The following PHF12 variants were observed in gnomAD, a reference collection of about 807,000 sequenced individuals.
PHF12 encodes PHD factor 1.
PHF12 carries 6 observed loss-of-function variants against 99.8 expected under a neutral mutation model. The ratio of observed to expected loss-of-function variants is 0.06; its 90% CI spans 0.03 to 0.12. The LOEUF is 0.12. Among genes scored for constraint, PHF12 ranks in the 10% least tolerant of loss-of-function variants. The pLI, the probability that PHF12 is intolerant of heterozygous loss-of-function variation, is 1.00. For synonymous variants in PHF12, 480 were observed against 514.9 expected (o/e 0.93, Z 0.92); for missense variants, 954 against 1,300.1 (o/e 0.73, Z 4.09).
chr17:28,950,003 G>T lies in PHF12; in HGVS notation c.248+62C>A, dbSNP rs536365756. 2.0e-6 allele frequency: 3 copies of T among 1,465,064 alleles called. No individual in the cohort carries two copies. Among genetic ancestry groups the T allele is most frequent in the Admixed American group, 4.6e-5 (2 of 43,662 alleles). The allele number at this position is 1,465,064 out of a possible 1,614,324, so 90.8% of individuals were successfully genotyped here. A position where few individuals can be genotyped will look rare whatever the true frequency, so the allele number is the denominator to read the frequency against. Reference sequence around the variant, plus strand: ...TTATTTCGGCAGTCAGGGGCAGGCCGGGTGAAGGAATGCGCAGAGAAGGGT... The same window carrying T: ...TTATTTCGGCAGTCAGGGGCAGGCCTGGTGAAGGAATGCGCAGAGAAGGGT... On this transcript the variant is annotated intron_variant, in intron 2 of 14. Coordinates refer to ENST00000332830, the MANE Select transcript of PHF12 (RefSeq NM_001033561.2). This position sits in a 1 kb window ranked among gnomAD's most constrained non-coding sequence, Gnocchi z 5.7.
intron 9 of PHF12, among the ~76,000 whole-genome samples, chr17:28,911,872 T>C (rs1598119432): frequency 6.6e-6 from 1 of 152,198 alleles, no homozygotes; most frequent in Non-Finnish European, 1.5e-5. Flanking sequence ...AGGTCCACAG[T>C]AGGCCAAGTA....
chr17:28,942,946 T>C (rs1428486523), intron 2 of PHF12, among the ~76,000 whole-genome samples: 3 of 151,994 alleles, frequency 2.0e-5, no homozygotes, highest in Non-Finnish European at 2.9e-5. Flanking sequence ...TTACAACATA[T>C]AAAGAACTCT....
rs764232803 is a variant in PHF12 at position 28,946,220 on chromosome 17, T to C, written c.248+3845A>G. Among the ~76,000 whole-genome samples the C allele has an allele frequency of 5.3e-5, 8 of 152,202 alleles. No homozygotes were observed. The East Asian group carries it at 9.6e-4, about 18-fold the overall frequency. ...TAACCCCTACTATCACTCTGAATAATTGATAAACCAGTTAAACTTGGATAA... is the reference window on the plus strand; with the variant it reads ...TAACCCCTACTATCACTCTGAATAACTGATAAACCAGTTAAACTTGGATAA... On this transcript the variant is annotated intron_variant, in intron 2 of 14. Transcript: ENST00000332830.
chr17:28,947,140 C>T (rs1356556509), intron 2 of PHF12, among the ~76,000 whole-genome samples: 1 of 151,816 alleles, frequency 6.6e-6, no homozygotes, highest in African/African-American at 2.4e-5. Context: ...CGTGCCACCA[C>T]ACCCGGCTAA....
chr17:28,919,124 T>C lies in PHF12; in HGVS notation c.969+19A>G, dbSNP rs779844492. On this transcript the variant is annotated intron_variant, in intron 6 of 14. Coordinates refer to ENST00000332830, the MANE Select transcript of PHF12 (RefSeq NM_001033561.2). ...CCAGCTATGCCCATTGAGGACTGAA[T>C]GGACACTGCTGTGCTTACCACCACA... 9 of 1,607,676 alleles carry C rather than the reference T, an allele frequency of 5.6e-6. No homozygotes were observed. In the South Asian group the frequency reaches 9.9e-5, roughly 18 times the overall value.
Position 28,909,890 on chromosome 17 carries a change from C to T in PHF12, c.2359+336G>A, listed in dbSNP as rs2039928712. Reference sequence around the variant, plus strand: ...ACAGGTGTGAGCCACTGCACTCAGTCGGGAAGCCCTTCTAATTCAAATATT... The same window carrying T: ...ACAGGTGTGAGCCACTGCACTCAGTTGGGAAGCCCTTCTAATTCAAATATT... On this transcript the variant is annotated intron_variant, in intron 11 of 14. Transcript: ENST00000332830. The T allele has an allele frequency of 1.3e-5, 8 of 602,168 alleles. 1 individual carries two copies. The highest frequency in any genetic ancestry group is 4.0e-5 in the South Asian group (2 of 49,428). The allele number at this position is 602,168 out of a possible 1,614,324, so 37.3% of individuals were successfully genotyped here.
chr17:28,921,958 T>A, intron 4 of PHF12, 150 bp from the exon 5 acceptor site: 1 of 1,099,532 alleles, frequency 9.1e-7, no homozygotes, highest in Non-Finnish European at 1.3e-6. Context: ...GGGTTGATTT[T>A]AAGTTAGAAA....
chr17:28,926,140 T>C (rs2040268386), intron 3 of PHF12: 1 of 152,546 alleles, frequency 6.6e-6, no homozygotes, highest in African/African-American at 2.4e-5. Context: ...AAATAATGTC[T>C]GCTTGTTTAC....
rs189177724 is a variant in PHF12 at position 28,910,022 on chromosome 17, T to C, written c.2359+204A>G. On this transcript the variant is annotated intron_variant, in intron 11 of 14. Coordinates refer to ENST00000332830, the MANE Select transcript of PHF12 (RefSeq NM_001033561.2). ...ATATGAAAGAAAGTTACAGCAGACT[T>C]CCCCAAGTCTGATCAGAAAGCTGTG... 3 of 759,254 alleles carry C rather than the reference T, an allele frequency of 4.0e-6. No homozygotes were observed. In the East Asian group the frequency reaches 8.0e-5, roughly 20 times the overall value. The allele number at this position is 759,254 out of a possible 1,614,324, so 47.0% of individuals were successfully genotyped here.
In PHF12 at chr17:28,907,719, G is replaced by A. The variant is rs1418498394; in HGVS notation, c.2459-47C>T. On this transcript the variant is annotated intron_variant, in intron 12 of 14. Transcript: ENST00000332830. ...GGAAAAGGAAGGCAGAGAACAGATTGTAAGGTGCATGTGTCGGGGAGGTAA... is the reference window on the plus strand; with the variant it reads ...GGAAAAGGAAGGCAGAGAACAGATTATAAGGTGCATGTGTCGGGGAGGTAA... 3.2e-6 allele frequency: 5 copies of A among 1,570,686 alleles called. No homozygotes were observed. The African/African-American group carries it at 4.1e-5, about 13-fold the overall frequency.
At chr17:28,915,470 A>T (rs1394379785) in intron 7 of PHF12, among the ~76,000 whole-genome samples, 1 of 152,150 alleles carries the variant, frequency 6.6e-6, no homozygotes, top group Non-Finnish European at 1.5e-5. Context: ...GCAGGCAGAT[A>T]TGAGTCTGGA....
intron 5 of PHF12, 80 bp downstream of exon 5, chr17:28,921,608 A>G (rs2040167056): frequency 6.6e-7 from 1 of 1,517,278 alleles, no homozygotes. Context: ...TTTAACATAC[A>G]TGGTCTGGAA....
In PHF12 at chr17:28,951,014, G is replaced by A. The variant is rs892324515; in HGVS notation, c.-54C>T. ...TGCTCCGGCCCCCCCAACCCCGGGGGGAGGGGGGAGGTGAGGGGAGGGGGC... is the reference window on the plus strand; with the variant it reads ...TGCTCCGGCCCCCCCAACCCCGGGGAGAGGGGGGAGGTGAGGGGAGGGGGC... On this transcript the variant is annotated 5_prime_UTR_variant, in exon 1 of 15. Transcript: ENST00000332830. 6.2e-7 allele frequency: 1 copy of A among 1,610,124 alleles called. No homozygotes were observed. Among genetic ancestry groups the A allele is most frequent in the Non-Finnish European group, 8.5e-7 (1 of 1,177,892 alleles).
Position 28,914,065 on chromosome 17 carries a change from G to A in PHF12, c.1135-28C>T, listed in dbSNP as rs758497673. On this transcript the variant is annotated intron_variant, in intron 7 of 14. Transcript: ENST00000332830. The stretch of plus-strand genomic sequence containing the variant: ...GTTCAGGATAGATAGAAGGAGGAAG[G>A]AGAGGGAGATAGTTCCAACATGTCT... 11 of 1,575,918 alleles carry A rather than the reference G, an allele frequency of 7.0e-6. No individual in the cohort carries two copies. The Admixed American group carries it at 1.9e-4, about 27-fold the overall frequency.
At chr17:28,933,838 A>T (rs1436210117) in intron 2 of PHF12, among the ~76,000 whole-genome samples, 1 of 152,168 alleles carries the variant, frequency 6.6e-6, no homozygotes, top group South Asian at 2.1e-4. Context: ...ACTTGACCCC[A>T]GGAGTTAGAG....
chr17:28,913,301 G>A (rs538010774), intron 8 of PHF12, 24 bp from the exon 9 acceptor site: 99 of 1,577,826 alleles, frequency 6.3e-5, no homozygotes, highest in Middle Eastern at 5.3e-4. Context: ...AGAGGAGAGG[G>A]GGGTGAGAAG....
rs2039944723 is a variant in PHF12, at chr17:28,910,683, T to C, written c.2216-314A>G. On this transcript the variant is annotated intron_variant, in intron 10 of 14. Transcript: ENST00000332830. ...GTCTGTGGGGGAGGGCCTGGATGTCTGATATTGAGACTTGAACTTTCTACC... is the reference window on the plus strand; with the variant it reads ...GTCTGTGGGGGAGGGCCTGGATGTCCGATATTGAGACTTGAACTTTCTACC... 1.4e-5 allele frequency: 6 copies of C among 436,158 alleles called. No homozygotes were observed. The Admixed American group carries it at 2.4e-4, about 18-fold the overall frequency. The allele number at this position is 436,158 out of a possible 1,614,324, so 27.0% of individuals were successfully genotyped here.
intron 2 of PHF12, among the ~76,000 whole-genome samples, chr17:28,932,012 T>A (rs2040420536): frequency 6.6e-6 from 1 of 152,328 alleles, no homozygotes; most frequent in East Asian, 1.9e-4. Flanking sequence ...AAAATGATCA[T>A]CATAGGCATA....
chr17:28,940,946 G>A (rs2040601926), intron 2 of PHF12, among the ~76,000 whole-genome samples: 1 of 151,980 alleles, frequency 6.6e-6, no homozygotes, highest in African/African-American at 2.4e-5. Flanking sequence ...TCTCTTCTAA[G>A]TGTCACTCAT....
Sources: allele counts gnomAD v4.1 joint callset (sites outside exome capture counted in the v4.1 genomes callset), GRCh38; gene constraint gnomAD v4.1.1; non-coding constraint Gnocchi (gnomAD v3.1); transcripts MANE v1.5; gene names NCBI Gene and HGNC (gene_info 2026-07-23, HGNC 2026-07-21).